Variants in ALK observed in about 807,000 individuals in gnomAD.
ALK encodes the protein ALK tyrosine kinase receptor.
Under a neutral mutation model 163.1 loss-of-function variants are expected in ALK, and 74 were observed. The observed-to-expected ratio is 0.45, with a 90% CI of 0.38 to 0.55. The LOEUF is 0.55. ALK is among the 20% of genes least tolerant of loss of function. ALK has a pLI of 0.00. For synonymous variants in ALK, 960 were observed against 843.2 expected (o/e 1.14, Z -2.40); for missense variants, 2,063 against 2,105.3 (o/e 0.98, Z 0.39).
At chr2:29,823,930 A>T (rs1211715407) in intron 1 of ALK, among the ~76,000 whole-genome samples, 2 of 152,210 alleles carry the variant, frequency 1.3e-5, no homozygotes, top group South Asian at 2.1e-4. Flanking sequence ...GGCATGTCAG[A>T]GGTCTTCACA....
intron 3 of ALK, among the ~76,000 whole-genome samples, chr2:29,573,293 C>T (rs1476568252): frequency 6.6e-6 from 1 of 152,204 alleles, no homozygotes; most frequent in East Asian, 1.9e-4. Context: ...TTGGTCACTC[C>T]TTCAACAATT....
chr2:29,387,828 C>T (rs1194105010), intron 4 of ALK, among the ~76,000 whole-genome samples: 1 of 152,156 alleles, frequency 6.6e-6, no homozygotes, highest in Admixed American at 6.5e-5. Flanking sequence ...CTCAAGGTCA[C>T]ACATTGAGTT....
intron 4 of ALK, among the ~76,000 whole-genome samples, chr2:29,470,967 C>A (rs1204851566): frequency 6.6e-6 from 1 of 152,152 alleles, no homozygotes; most frequent in Non-Finnish European, 1.5e-5. Flanking sequence ...AGGTTCTTGC[C>A]TTGTTCAGGA....
chr2:29,689,183 G>T (rs975874050), intron 3 of ALK, among the ~76,000 whole-genome samples: 3 of 152,158 alleles, frequency 2.0e-5, no homozygotes, highest in Admixed American at 6.5e-5. Flanking sequence ...CTCAGAAATG[G>T]GTGGCTAATG....
At chr2:29,500,093 G>A (rs571664580) in intron 4 of ALK, among the ~76,000 whole-genome samples, 2 of 152,290 alleles carry the variant, frequency 1.3e-5, no homozygotes, top group Non-Finnish European at 2.9e-5. Flanking sequence ...CCTTGGCCAT[G>A]ATTTCCGATC....
At chr2:29,353,631 T>G (rs1668171493) in intron 5 of ALK, among the ~76,000 whole-genome samples, 1 of 152,130 alleles carries the variant, frequency 6.6e-6, no homozygotes, top group Admixed American at 6.5e-5. Flanking sequence ...TTTTGTTCAT[T>G]ACACACTTGT....
At chr2:29,671,850 G>C (rs922054195) in intron 3 of ALK, among the ~76,000 whole-genome samples, 1 of 151,864 alleles carries the variant, frequency 6.6e-6, no homozygotes, top group Admixed American at 6.6e-5. Context: ...TTTTAAAACT[G>C]GAAGTCTCCT....
intron 3 of ALK, among the ~76,000 whole-genome samples, chr2:29,686,415 G>A (rs893353319): frequency 6.6e-6 from 1 of 152,138 alleles, no homozygotes; most frequent in African/African-American, 2.4e-5. Flanking sequence ...TCTCTCCCTG[G>A]GCTGGTAGAG....
intron 1 of ALK, among the ~76,000 whole-genome samples, chr2:29,727,961 T>C (rs918648147): frequency 1.3e-5 from 2 of 152,150 alleles, no homozygotes; most frequent in Non-Finnish European, 2.9e-5. Flanking sequence ...CTCGAAGTCA[T>C]CTCGTTAGTG....
intron 1 of ALK, among the ~76,000 whole-genome samples, chr2:29,781,997 T>C (rs926141461): frequency 1.3e-5 from 2 of 152,188 alleles, no homozygotes; most frequent in Admixed American, 6.5e-5. Context: ...TAGGGAAGTA[T>C]AGCAGGATTG....
chr2:29,480,375 A>G (rs1302233025), intron 4 of ALK, among the ~76,000 whole-genome samples: 1 of 152,180 alleles, frequency 6.6e-6, no homozygotes, highest in East Asian at 1.9e-4. Flanking sequence ...TATTTGTGAT[A>G]TTATTTTCTA....
Position 29,269,274 on chromosome 2 carries a change from C to T in ALK, c.2041+5825G>A, listed in dbSNP as rs534733294. Among the ~76,000 whole-genome samples, 136 of 152,304 alleles carry T rather than the reference C, an allele frequency of 8.9e-4. 1 individual carries two copies. Among genetic ancestry groups the T allele is most frequent in the Non-Finnish European group, 1.6e-3 (110 of 68,016 alleles). On this transcript the variant is annotated intron_variant, in intron 11 of 28. Transcript: ENST00000389048. ...CTATTGCTGATGGGTGCTTGGCCTT[C>T]AGCCCAGCCTCCAGTTCCACCCTGT...
chr2:29,752,439 T>A, intron 1 of ALK, among the ~76,000 whole-genome samples: 1 of 144,568 alleles, frequency 6.9e-6, no homozygotes, highest in African/African-American at 2.6e-5. Flanking sequence ...AAGCTCCGCC[T>A]CCCGGGTTCA....
chr2:29,829,523 C>A (rs1243889207), intron 1 of ALK, among the ~76,000 whole-genome samples: 1 of 152,048 alleles, frequency 6.6e-6, no homozygotes, highest in Non-Finnish European at 1.5e-5. Context: ...AAGACTATTA[C>A]CAAGCAAGTT....
At chr2:29,734,949 AT>A (rs945457851) in intron 1 of ALK, among the ~76,000 whole-genome samples, 6 of 152,256 alleles carry the variant, frequency 3.9e-5, no homozygotes, top group South Asian at 2.1e-4. Context: ...TGTAAATTTA[AT>A]TTTTTTAATA....
At chr2:29,195,667 G>A (rs969315261) in intron 28 of ALK, among the ~76,000 whole-genome samples, 2 of 152,202 alleles carry the variant, frequency 1.3e-5, no homozygotes, top group South Asian at 2.1e-4. Context: ...CCCGGGAGGT[G>A]GAGGCTGCAG....
chr2:29,615,516 G>C (rs1675817376), intron 3 of ALK, among the ~76,000 whole-genome samples: 1 of 152,194 alleles, frequency 6.6e-6, no homozygotes, highest in Admixed American at 6.5e-5. Context: ...AGTGCTTCGA[G>C]ATAGTGTCGA....
chr2:29,894,970 C>T (rs1667232912), intron 1 of ALK, among the ~76,000 whole-genome samples: 1 of 152,090 alleles, frequency 6.6e-6, no homozygotes, highest in Admixed American at 6.5e-5. Flanking sequence ...CCATAAAAAG[C>T]CCCATGTTTC....
intron 3 of ALK, among the ~76,000 whole-genome samples, chr2:29,605,921 T>C (rs1034027940): frequency 6.6e-6 from 1 of 151,958 alleles, no homozygotes; most frequent in African/African-American, 2.4e-5. Context: ...TGAAATTTGC[T>C]CCCTGTAAGT....
Sources: allele counts gnomAD v4.1 joint callset (sites outside exome capture counted in the v4.1 genomes callset), GRCh38; gene constraint gnomAD v4.1.1; transcripts MANE v1.5; gene names NCBI Gene and HGNC (gene_info 2026-07-23, HGNC 2026-07-21).